Variants in VPS13B observed in about 807,000 individuals in gnomAD.
The protein encoded by VPS13B is vacuolar protein sorting 13 homolog B.
Under a neutral mutation model 426.4 loss-of-function variants are expected in VPS13B, and 285 were observed. The observed-to-expected ratio is 0.67, with a 90% CI of 0.61 to 0.74. The LOEUF (loss-of-function observed/expected upper bound fraction) is 0.74, where lower values mean the gene tolerates loss of function less well. VPS13B is among the 30% of genes least tolerant of loss of function. VPS13B has a pLI of 0.00. For synonymous variants in VPS13B, 1,676 were observed against 1,676.4 expected (o/e 1.00, Z 0.01); for missense variants, 4,537 against 4,782.6 (o/e 0.95, Z 1.51).
intron 32 of VPS13B, among the ~76,000 whole-genome samples, chr8:99,576,390 C>T (rs566722683): frequency 6.8e-4 from 103 of 150,974 alleles, no homozygotes; most frequent in Non-Finnish European, 1.1e-3. Context: ...TTTTTTTAAT[C>T]CTGAATTGGT....
chr8:99,143,316 A>G, intron 13 of VPS13B, 151 bp downstream of exon 13: 1 of 963,024 alleles, frequency 1.0e-6, no homozygotes, highest in Non-Finnish European at 1.6e-6. Context: ...TTTAAAGAAT[A>G]AACTTGTGTG....
At chr8:99,223,690 A>G (rs1182629094) in intron 17 of VPS13B, among the ~76,000 whole-genome samples, 2 of 152,218 alleles carry the variant, frequency 1.3e-5, no homozygotes. Flanking sequence ...TGAAGTTTGT[A>G]CAAACTGCTC....
intron 27 of VPS13B, among the ~76,000 whole-genome samples, chr8:99,503,574 A>T (rs528838037): frequency 2.9e-4 from 44 of 152,306 alleles, no homozygotes; most frequent in African/African-American, 1.1e-3. Flanking sequence ...GAATATTCTG[A>T]ATCCTTTGTT....
At chr8:99,070,481 G>A (rs919619044) in intron 3 of VPS13B, among the ~76,000 whole-genome samples, 1 of 152,196 alleles carries the variant, frequency 6.6e-6, no homozygotes, top group Non-Finnish European at 1.5e-5. Flanking sequence ...AACTGCTTGA[G>A]ATTAAGTATT....
At chr8:99,409,036 A>C (rs756462450) in intron 21 of VPS13B, among the ~76,000 whole-genome samples, 11 of 152,202 alleles carry the variant, frequency 7.2e-5, no homozygotes, top group Non-Finnish European at 1.2e-4. Flanking sequence ...TAGTTCTAGG[A>C]AAGTCCATTA....
chr8:99,852,981 G>T (rs986751361), intron 55 of VPS13B, among the ~76,000 whole-genome samples: 2 of 152,122 alleles, frequency 1.3e-5, no homozygotes, highest in African/African-American at 4.8e-5. Flanking sequence ...AGCAAGGGTG[G>T]TTCCGCCCCA....
At chr8:99,196,354 T>C (rs1007573117) in intron 17 of VPS13B, among the ~76,000 whole-genome samples, 1 of 152,146 alleles carries the variant, frequency 6.6e-6, no homozygotes, top group African/African-American at 2.4e-5. Flanking sequence ...GTTTTAGTTT[T>C]GGACATGTTA....
At chr8:99,350,224 T>C (rs1049658925) in intron 19 of VPS13B, among the ~76,000 whole-genome samples, 1 of 152,138 alleles carries the variant, frequency 6.6e-6, no homozygotes, top group Non-Finnish European at 1.5e-5. Context: ...CCAGAGAAAG[T>C]AGTGCAAGAT....
At chr8:99,575,912 A>T (rs1055503317) in intron 32 of VPS13B, 128 bp downstream of exon 32, 17 of 921,132 alleles carry the variant, frequency 1.8e-5, no homozygotes, top group Non-Finnish European at 2.8e-5. Context: ...GGCTACTATC[A>T]TAGCTAACAT....
Position 99,573,485 on chromosome 8 carries a change from A to G in VPS13B, c.4950-2173A>G, listed in dbSNP as rs192280027. 3.9e-5 allele frequency among the ~76,000 whole-genome samples: 6 copies of G among 152,296 alleles called. No homozygotes were observed. In the East Asian group the frequency reaches 7.7e-4, roughly 20 times the overall value. On this transcript the variant is annotated intron_variant, in intron 31 of 61. Coordinates refer to ENST00000357162, the MANE Select transcript of VPS13B (RefSeq NM_152564.5). ...TTGAATTAATTTTTGTATAAGGTGT[A>G]AGGAAGGGATTGAGTTTCAGCTTTC...
intron 25 of VPS13B, among the ~76,000 whole-genome samples, chr8:99,494,393 A>G (rs142858069): frequency 7.2e-5 from 11 of 152,118 alleles, no homozygotes; most frequent in African/African-American, 2.2e-4. Context: ...GATATTTCAT[A>G]GTTTTCATTA....
chr8:99,163,354 G>C lies in VPS13B; in HGVS notation c.2208+6611G>C, dbSNP rs1467213969. On this transcript the variant is annotated intron_variant, in intron 15 of 61. Coordinates refer to ENST00000357162, the MANE Select transcript of VPS13B (RefSeq NM_152564.5). ...GGCTTCACCTAGTGGATCCCGCACCGGGGCTGCAGGTGGAGCTGCCTGCCA... is the reference window on the plus strand; with the variant it reads ...GGCTTCACCTAGTGGATCCCGCACCCGGGCTGCAGGTGGAGCTGCCTGCCA... 2.6e-5 allele frequency among the ~76,000 whole-genome samples: 4 copies of C among 152,218 alleles called. No homozygotes were observed. The East Asian group carries it at 7.7e-4, about 29-fold the overall frequency.
intron 3 of VPS13B, among the ~76,000 whole-genome samples, chr8:99,094,874 C>A (rs186479309): frequency 6.6e-6 from 1 of 152,038 alleles, no homozygotes; most frequent in East Asian, 1.9e-4. Context: ...ATTCATGGTG[C>A]GCAATGCACT....
chr8:99,833,755 T>G (rs1415229063), intron 52 of VPS13B, among the ~76,000 whole-genome samples: 2 of 152,240 alleles, frequency 1.3e-5, no homozygotes, highest in African/African-American at 4.8e-5. Flanking sequence ...AGCTTAAAAT[T>G]CTGATAATTA....
intron 3 of VPS13B, among the ~76,000 whole-genome samples, chr8:99,066,413 A>C (rs1844514978): frequency 6.6e-6 from 1 of 152,216 alleles, no homozygotes. Context: ...AGGATTCCCT[A>C]TTTAATAAAT....
chr8:99,396,969 A>G (rs1814757500), intron 21 of VPS13B, among the ~76,000 whole-genome samples: 1 of 152,198 alleles, frequency 6.6e-6, no homozygotes, highest in African/African-American at 2.4e-5. Context: ...GCATATGGAA[A>G]ATCTATCTTT....
intron 17 of VPS13B, chr8:99,233,100 C>A: frequency 7.3e-7 from 1 of 1,378,902 alleles, no homozygotes; most frequent in Non-Finnish European, 1.0e-6. Flanking sequence ...ACTCCTGCTG[C>A]TTCACCTCTT....
intron 19 of VPS13B, among the ~76,000 whole-genome samples, chr8:99,321,210 CTTTTTT>C (rs58817658): frequency 1.1e-5 from 1 of 93,992 alleles, no homozygotes. Flanking sequence ...TTTTCTTTTT[CTTTTTT>C]TTTTTTTTTT....
rs1169632229 is a variant in VPS13B, at chr8:99,696,539, C to T, written c.6047-2986C>T. On this transcript the variant is annotated intron_variant, in intron 35 of 61. Coordinates refer to ENST00000357162, the MANE Select transcript of VPS13B (RefSeq NM_152564.5). ...TCCAGTTCATGGAATTCCTGCCGCC[C>T]GTGACCATGAAGCTCTTCCCCAGCA... 1.1e-5 allele frequency: 5 copies of T among 475,824 alleles called. No individual in the cohort carries two copies. In the Admixed American group the frequency reaches 1.3e-4, roughly 12 times the overall value. 29.5% of individuals were successfully genotyped at this position (475,824 alleles called of 1,614,324 possible).
Sources: gnomAD v4.1 joint callset for allele counts (sites outside exome capture counted in the v4.1 genomes callset) on GRCh38, gnomAD v4.1.1 for gene constraint, MANE v1.5 for transcripts, NCBI Gene and HGNC (gene_info 2026-07-23, HGNC 2026-07-21) for gene names.